The following METTL15 variants were observed in gnomAD, a reference collection of about 807,000 sequenced individuals.
METTL15 encodes the protein 12S rRNA N(4)-cytidine methyltransferase METTL15.
Under a neutral mutation model 38.3 loss-of-function variants are expected in METTL15, and 34 were observed. The observed-to-expected ratio is 0.89, with a 90% CI of 0.68 to 1.18. METTL15 has a LOEUF of 1.18. Among genes scored for constraint, METTL15 ranks in the 50% most tolerant of loss-of-function variants. The pLI is 0.00. For synonymous variants in METTL15, 162 were observed against 170.9 expected (o/e 0.95, Z 0.41); for missense variants, 438 against 498.4 (o/e 0.88, Z 1.15).
At chr11:28,396,213 T>A (rs1182565508) in intron 5 of METTL15, among the ~76,000 whole-genome samples, 1 of 152,134 alleles carries the variant, frequency 6.6e-6, no homozygotes, top group Non-Finnish European at 1.5e-5. Flanking sequence ...TCACCACTCC[T>A]ATTCAACGTA....
intron 5 of METTL15, among the ~76,000 whole-genome samples, chr11:28,397,350 A>C (rs1253349607): frequency 6.6e-6 from 1 of 152,120 alleles, no homozygotes; most frequent in South Asian, 2.1e-4. Flanking sequence ...CATCTGACAA[A>C]GGGCTAATAT....
intron 6 of METTL15, among the ~76,000 whole-genome samples, chr11:28,504,578 G>T (rs377384209): frequency 6.6e-6 from 1 of 152,162 alleles, no homozygotes; most frequent in Non-Finnish European, 1.5e-5. Flanking sequence ...AAGGCCAATC[G>T]TTTGCAATCT....
At chr11:28,214,991 T>C (rs189746586) in intron 4 of METTL15, among the ~76,000 whole-genome samples, 166 of 152,296 alleles carry the variant, frequency 1.1e-3, no homozygotes, top group African/African-American at 2.2e-3. Context: ...TTATTTGACA[T>C]AGTTTTACAT....
intron 6 of METTL15, chr11:28,526,430 A>G (rs1278756200): frequency 1.3e-5 from 2 of 152,244 alleles, no homozygotes; most frequent in Non-Finnish European, 2.9e-5. Flanking sequence ...TTGGCATACA[A>G]TTGCTCATAG....
chr11:28,417,460 A>C (rs1327682629), intron 5 of METTL15, among the ~76,000 whole-genome samples: 2 of 152,226 alleles, frequency 1.3e-5, no homozygotes, highest in African/African-American at 4.8e-5. Context: ...AAGGGACTCG[A>C]AGATAAATCA....
At chr11:28,155,481 T>C (rs994116164) in intron 3 of METTL15, among the ~76,000 whole-genome samples, 2 of 152,182 alleles carry the variant, frequency 1.3e-5, no homozygotes, top group African/African-American at 4.8e-5. Context: ...CTTTTAACTT[T>C]GTTAGAATTC....
At chr11:28,516,996 G>A (rs898936732) in intron 6 of METTL15, 2 of 152,250 alleles carry the variant, frequency 1.3e-5, no homozygotes, top group African/African-American at 4.8e-5. Context: ...GATCCAGTTA[G>A]ACCATGTTGA....
intron 2 of METTL15, among the ~76,000 whole-genome samples, chr11:28,110,715 T>A (rs140963195): frequency 6.6e-6 from 1 of 152,336 alleles, no homozygotes; most frequent in Admixed American, 6.5e-5. Context: ...AGGATTTCCC[T>A]GCCAGACAAA....
intron 6 of METTL15, among the ~76,000 whole-genome samples, chr11:28,494,245 G>A (rs919767011): frequency 2.6e-5 from 4 of 152,136 alleles, no homozygotes; most frequent in South Asian, 2.1e-4. Flanking sequence ...AACAGGGGTC[G>A]ATCTATTCAC....
intron 5 of METTL15, among the ~76,000 whole-genome samples, chr11:28,420,660 T>C (rs1481911410): frequency 6.6e-6 from 1 of 152,068 alleles, no homozygotes; most frequent in Non-Finnish European, 1.5e-5. Flanking sequence ...TGAAAATTTA[T>C]TTGAAACAAA....
intron 4 of METTL15, among the ~76,000 whole-genome samples, chr11:28,218,787 A>T (rs991399971): frequency 6.6e-6 from 1 of 152,086 alleles, no homozygotes; most frequent in Non-Finnish European, 1.5e-5. Context: ...GAATTTTTTC[A>T]AAGGCCTTTT....
At chr11:28,142,361 TAATATC>T (rs1849729142) in intron 3 of METTL15, among the ~76,000 whole-genome samples, 1 of 152,188 alleles carries the variant, frequency 6.6e-6, no homozygotes, top group Non-Finnish European at 1.5e-5. Flanking sequence ...AAATAACTAT[TAATATC>T]AGGTTACTTA....
chr11:28,502,599 C>T (rs1343594241), intron 6 of METTL15, among the ~76,000 whole-genome samples: 4 of 152,196 alleles, frequency 2.6e-5, no homozygotes, highest in Admixed American at 6.5e-5. Flanking sequence ...AAAAAACTGA[C>T]ATTTTCTTTG....
intron 3 of METTL15, among the ~76,000 whole-genome samples, chr11:28,115,108 G>A (rs1590738883): frequency 6.6e-6 from 1 of 152,086 alleles, no homozygotes; most frequent in South Asian, 2.1e-4. Context: ...GTTGACCCTT[G>A]AACAATGTGG....
At chr11:28,247,209 A>G (rs1007425219) in intron 4 of METTL15, among the ~76,000 whole-genome samples, 4 of 152,144 alleles carry the variant, frequency 2.6e-5, no homozygotes, top group Non-Finnish European at 5.9e-5. Context: ...TAAAGAATGT[A>G]AACAAATTTG....
chr11:28,233,629 T>C (rs1043957975), intron 4 of METTL15, among the ~76,000 whole-genome samples: 6 of 152,060 alleles, frequency 3.9e-5, no homozygotes, highest in Non-Finnish European at 2.9e-5. Flanking sequence ...TTGAAATAAA[T>C]GCTAATTATT....
In METTL15 at chr11:28,333,325, GTTTTATAGTAATTCTT is replaced by G. The variant is rs1849866790; in HGVS notation, c.*2485_*2500del. The G allele has an allele frequency of 6.6e-6, 1 of 152,190 alleles. No individual in the cohort carries two copies. The highest frequency in any genetic ancestry group is 1.5e-5 in the Non-Finnish European group (1 of 68,016). 9.4% of individuals were successfully genotyped at this position (152,190 alleles called of 1,614,324 possible). A position where few individuals can be genotyped will look rare whatever the true frequency, so the allele number is the denominator to read the frequency against. ...ATTAACTTTTCTGTAATTAGATTGT[GTTTTATAGTAATTCTT>G]GCCTGCTTCTTAGTCTTTGTTGTAG... On this transcript the variant is annotated 3_prime_UTR_variant, in exon 7 of 7. Transcript: ENST00000407364.
intron 6 of METTL15, among the ~76,000 whole-genome samples, chr11:28,451,420 C>G (rs1240504438): frequency 6.6e-6 from 1 of 151,864 alleles, no homozygotes; most frequent in African/African-American, 2.4e-5. Flanking sequence ...CCCGTCTCTA[C>G]TAAAAATACA....
At chr11:28,286,416 T>G (rs1177527639) in intron 4 of METTL15, among the ~76,000 whole-genome samples, 1 of 152,176 alleles carries the variant, frequency 6.6e-6, no homozygotes. Flanking sequence ...GTGATCAATC[T>G]TTCCCAAAAT....
Sources: allele counts gnomAD v4.1 joint callset (sites outside exome capture counted in the v4.1 genomes callset), GRCh38; gene constraint gnomAD v4.1.1; transcripts MANE v1.5; gene names NCBI Gene and HGNC (gene_info 2026-07-23, HGNC 2026-07-21).